UBAP2: variants seen among roughly 807,000 people sequenced by gnomAD.
UBAP2 encodes the protein ubiquitin associated protein 2.
Under a neutral mutation model 139.6 loss-of-function variants are expected in UBAP2, and 75 were observed. The ratio of observed to expected loss-of-function variants is 0.54; its 90% CI spans 0.45 to 0.65. The LOEUF (loss-of-function observed/expected upper bound fraction) is 0.65. Ranked by LOEUF, UBAP2 falls within the 30% of genes least tolerant of loss-of-function variation. The pLI, the probability that UBAP2 is intolerant of heterozygous loss-of-function variation, is 0.00. For missense variants in UBAP2, 1,368 were observed against 1,369.6 expected, an observed-to-expected ratio of 1.00 and a Z score of 0.02; for synonymous variants, 526 against 526.2, an observed-to-expected ratio of 1.00 and a Z score of 0.01.
rs200124506 is a variant in UBAP2, at chr9:33,989,030, T to G, written c.385A>C (p.Ser129Arg). 13 of 1,613,924 alleles carry G rather than the reference T, an allele frequency of 8.1e-6. No homozygotes were observed. In the Admixed American group the frequency reaches 1.5e-4, roughly 19 times the overall value. Residue 129 changes from serine (S) to arginine (R), a missense_variant, in exon 5 of 29, where the codon AGT (serine) becomes CGT (arginine). Transcript: ENST00000379238. ...NREKKSEKESSRGRGNNNRKG... is the reference protein window; with the variant it reads ...NREKKSEKESRRGRGNNNRKG... Reference sequence around the variant, plus strand: ...CGGTTGTTGTTTCCACGTCCACGACTCGATTCTTTCTCGCTTTTCTTCTCT... The same window carrying G: ...CGGTTGTTGTTTCCACGTCCACGACGCGATTCTTTCTCGCTTTTCTTCTCT...
At chr9:34,037,134 G>A (rs1350698366) in intron 1 of UBAP2, among the ~76,000 whole-genome samples, 1 of 151,996 alleles carries the variant, frequency 6.6e-6, no homozygotes, top group East Asian at 1.9e-4. Context: ...GATTACAGAG[G>A]CGTGCCACCA....
At chr9:33,979,024 A>G (rs1373675274) in intron 6 of UBAP2, among the ~76,000 whole-genome samples, 1 of 152,118 alleles carries the variant, frequency 6.6e-6, no homozygotes, top group Admixed American at 6.5e-5. Context: ...GACTGCTTGG[A>G]GCCAGGAGTT....
chr9:33,963,863 T>C, intron 8 of UBAP2, 72 bp from the exon 9 acceptor site: 2 of 1,158,990 alleles, frequency 1.7e-6, no homozygotes, highest in East Asian at 2.4e-5. Flanking sequence ...GAGAAGATGG[T>C]CACTGTCAAA....
At chr9:34,039,254 G>A (rs542357715) in intron 1 of UBAP2, among the ~76,000 whole-genome samples, 6 of 145,270 alleles carry the variant, frequency 4.1e-5, no homozygotes, top group East Asian at 2.2e-4. Flanking sequence ...CCGCCTGGCC[G>A]CCGCCCCGTC....
chr9:33,961,541 ATACT>A (rs1271355618), intron 9 of UBAP2, among the ~76,000 whole-genome samples: 1 of 148,262 alleles, frequency 6.7e-6, no homozygotes, highest in Non-Finnish European at 1.5e-5. Context: ...TACTCAAAAA[ATACT>A]TACTTACAGA....
At chr9:33,978,016 T>TA (rs78838897) in intron 6 of UBAP2, among the ~76,000 whole-genome samples, 16,804 of 118,144 alleles carry the variant, frequency 0.14, 1,386 homozygotes, top group East Asian at 0.45. Flanking sequence ...CTCTGTCTTT[T>TA]AAAAAAAAAA....
In UBAP2 at chr9:33,971,668, C is replaced by T; in HGVS notation, c.662G>A (p.Gly221Asp). Reference protein sequence around the residue: ...KLVVWEAAQNGADEGTELASN... With the variant: ...KLVVWEAAQNDADEGTELASN... ...ACACTTACCAGTTCCCTCATCTGCA[C>T]CATTCTGAGCAGCTTCCCAAACTAC... Residue 221 changes from glycine (G) to aspartate (D), a missense_variant, in exon 8 of 29, where the codon GGT becomes GAT. Transcript: ENST00000379238. The T allele has an allele frequency of 1.2e-6, 2 of 1,608,366 alleles. No individual in the cohort carries two copies. The highest frequency in any genetic ancestry group is 8.5e-7 in the Non-Finnish European group (1 of 1,174,724).
In UBAP2 at chr9:33,980,774, G is replaced by A. The variant is rs186137937; in HGVS notation, c.520+5986C>T. Among the ~76,000 whole-genome samples, 538 of 151,464 alleles carry A rather than the reference G, an allele frequency of 3.6e-3. 3 individuals are homozygous for A. The highest frequency in any genetic ancestry group is 0.012 in the African/African-American group (491 of 41,250). On this transcript the variant is annotated intron_variant, in intron 6 of 28. Transcript: ENST00000379238. ...AGTTTGAGACCAGCCTGGGCAACAT[G>A]GCAAAACCCTCTCTCTACAAAAATT...
At chr9:33,932,683 A>G (rs1003385158) in intron 18 of UBAP2, 55 bp from the exon 19 acceptor site, 34 of 1,597,922 alleles carry the variant, frequency 2.1e-5, no homozygotes, top group Non-Finnish European at 2.7e-5. Context: ...CTCCAGATGA[A>G]CAAGACGCAC....
rs891919530 is a variant in UBAP2, at chr9:33,977,327, G to A, written c.521-4090C>T. On this transcript the variant is annotated intron_variant, in intron 6 of 28. Transcript: ENST00000379238. ...GCTGGGATTACAGGCGTGAACCACC[G>A]CGCCCAGCCAAACAAAAAATTTTTA... 4.6e-5 allele frequency among the ~76,000 whole-genome samples: 7 copies of A among 151,886 alleles called. No homozygotes were observed. The South Asian group carries it at 8.3e-4, about 18-fold the overall frequency.
At chr9:34,044,641 G>A (rs1237135096) in intron 1 of UBAP2, among the ~76,000 whole-genome samples, 1 of 152,102 alleles carries the variant, frequency 6.6e-6, no homozygotes, top group Admixed American at 6.6e-5. Flanking sequence ...AAGGCAGGTG[G>A]ATCACCTGAG....
intron 1 of UBAP2, among the ~76,000 whole-genome samples, chr9:34,036,029 C>G (rs1450175142): frequency 1.3e-5 from 2 of 151,946 alleles, no homozygotes; most frequent in Non-Finnish European, 2.9e-5. Flanking sequence ...AGCAAAATAA[C>G]AGCAAATTCT....
intron 1 of UBAP2, among the ~76,000 whole-genome samples, chr9:34,023,753 T>C (rs1825158009): frequency 6.6e-6 from 1 of 152,162 alleles, no homozygotes; most frequent in South Asian, 2.1e-4. Flanking sequence ...AGCTTAAAAA[T>C]AGCAAATACA....
chr9:34,020,780 C>G (rs942411146), intron 1 of UBAP2, among the ~76,000 whole-genome samples: 2 of 151,910 alleles, frequency 1.3e-5, no homozygotes, highest in Non-Finnish European at 1.5e-5. Flanking sequence ...CTGCCTCAGC[C>G]TCCTGAGTAG....
chr9:33,976,917 CAGG>C (rs1828395809), intron 6 of UBAP2, among the ~76,000 whole-genome samples: 2 of 151,592 alleles, frequency 1.3e-5, no homozygotes, highest in South Asian at 2.1e-4. Flanking sequence ...GAGGCTGAGG[CAGG>C]AGAATTGCTT....
intron 1 of UBAP2, among the ~76,000 whole-genome samples, chr9:34,028,529 G>A (rs561941374): frequency 4.0e-4 from 61 of 151,996 alleles, no homozygotes; most frequent in Middle Eastern, 6.8e-3. Context: ...ACAGGCACCC[G>A]CCACCACGCC....
At chr9:33,949,370 G>A (rs1464308705) in intron 12 of UBAP2, among the ~76,000 whole-genome samples, 1 of 152,060 alleles carries the variant, frequency 6.6e-6, no homozygotes, top group African/African-American at 2.4e-5. Flanking sequence ...AAGATGTACA[G>A]TCAAAGAAGA....
intron 9 of UBAP2, among the ~76,000 whole-genome samples, 180 bp from the exon 10 acceptor site, chr9:33,961,058 T>C (rs750977433): frequency 6.6e-6 from 1 of 152,234 alleles, no homozygotes; most frequent in Non-Finnish European, 1.5e-5. Flanking sequence ...CAGTAATATT[T>C]CTTTTCTCCC....
chr9:33,990,669 T>C (rs1471112539), intron 4 of UBAP2, among the ~76,000 whole-genome samples: 2 of 141,158 alleles, frequency 1.4e-5, no homozygotes, highest in Admixed American at 7.6e-5. Context: ...AGAGTCTCAC[T>C]CTGTCACCCA....
Sources: gnomAD v4.1 joint callset for allele counts (sites outside exome capture counted in the v4.1 genomes callset) on GRCh38, gnomAD v4.1.1 for gene constraint, MANE v1.5 for transcripts, NCBI Gene and HGNC (gene_info 2026-07-23, HGNC 2026-07-21) for gene names.